UBE4A: variants seen among roughly 807,000 people sequenced by gnomAD.
The protein encoded by UBE4A is ubiquitination factor E4A.
In UBE4A, 48 loss-of-function variants were observed where a neutral mutation model predicts 117.9. The ratio of observed to expected loss-of-function variants is 0.41; its 90% CI spans 0.32 to 0.52. UBE4A has a LOEUF of 0.52. UBE4A is among the 20% of genes least tolerant of loss of function. The pLI, the probability that UBE4A is intolerant of heterozygous loss-of-function variation, is 0.33. For missense variants in UBE4A, 1,067 were observed against 1,296.3 expected, an observed-to-expected ratio of 0.82 and a Z score of 2.72; for synonymous variants, 407 against 450.0, an observed-to-expected ratio of 0.90 and a Z score of 1.21.
At chr11:118,373,007 A>G in intron 6 of UBE4A, 79 bp from the exon 7 acceptor site, 2 of 1,207,566 alleles carry the variant, frequency 1.7e-6, no homozygotes, top group African/African-American at 1.5e-5. Flanking sequence ...AAAAAGAATT[A>G]TTGAAAGTAA....
intron 1 of UBE4A, 86 bp from the exon 2 acceptor site, chr11:118,364,954 G>A: frequency 8.3e-7 from 1 of 1,198,144 alleles, no homozygotes; most frequent in Non-Finnish European, 1.1e-6. Flanking sequence ...TATTGTATTT[G>A]AGAAATGGGA....
chr11:118,396,472 CCA>C lies in UBE4A; in HGVS notation c.*33_*34del, dbSNP rs532108389. 6,743 of 1,601,398 alleles carry C rather than the reference CCA, an allele frequency of 4.2e-3. 20 individuals are homozygous for C. Among genetic ancestry groups the C allele is most frequent in the Non-Finnish European group, 5.0e-3 (5,855 of 1,174,860 alleles). The stretch of plus-strand genomic sequence containing the variant: ...TGAACTAACCAAACCAAAACCAACC[CCA>C]GAGTGCAGATAAACAATTGTTTGTG... On this transcript the variant is annotated 3_prime_UTR_variant, in exon 20 of 20. Transcript: ENST00000252108.
At chr11:118,367,335 T>C (rs774872095) in intron 2 of UBE4A, among the ~76,000 whole-genome samples, 1 of 152,156 alleles carries the variant, frequency 6.6e-6, no homozygotes. Flanking sequence ...ATGCAACTTA[T>C]AACCAAATGA....
chr11:118,391,387 G>T lies in UBE4A; in HGVS notation c.2916+583G>T, dbSNP rs549852609. Among the ~76,000 whole-genome samples, 449 of 151,224 alleles carry T rather than the reference G, an allele frequency of 3.0e-3. 2 individuals are homozygous for T. Among genetic ancestry groups the T allele is most frequent in the African/African-American group, 0.01 (428 of 41,132 alleles). ...GCCTGTAATCCCAGCTACTCGGGAG[G>T]CTGAGGCAGGAGAATCGCTTGAACC... On this transcript the variant is annotated intron_variant, in intron 18 of 19. Coordinates refer to ENST00000252108, the MANE Select transcript of UBE4A (RefSeq NM_001204077.2).
rs113963114 is a variant in UBE4A at position 118,379,455 on chromosome 11, T to C, written c.1581T>C (p.Asp527=). The C allele has an allele frequency of 3.6e-4, 584 of 1,612,182 alleles. 1 individual carries two copies. The African/African-American group carries it at 6.2e-3, about 17-fold the overall frequency. ...TLYLGFHRLH[D]QMVKINQNLH... Reference sequence around the variant, plus strand: ...GCTTTCTTGGGGGCAGGTTGCATGATCAGATGGTAAAAATCAACCAAAATC... The same window carrying C: ...GCTTTCTTGGGGGCAGGTTGCATGACCAGATGGTAAAAATCAACCAAAATC... The change falls in exon 11 of 20, where the codon GAT becomes GAC. Residue 527 remains aspartate (D), a synonymous_variant. Coordinates refer to ENST00000252108, the MANE Select transcript of UBE4A (RefSeq NM_001204077.2).
At position 118,382,437 on chromosome 11, in the gene UBE4A, C is replaced by T. The variant is rs564924253; in HGVS notation, c.2010-152C>T. The T allele has an allele frequency of 2.4e-4, 36 of 148,876 alleles. 1 individual carries two copies. The highest frequency in any genetic ancestry group is 2.8e-4 in the Non-Finnish European group (22 of 78,652). The allele number at this position is 148,876 out of a possible 1,614,324, so 9.2% of individuals were successfully genotyped here. Reference sequence around the variant, plus strand: ...CACCCCACCCCCCGCCCAGCCGCACCAAGAAACTGACAAACTTAAAACTGC... The same window carrying T: ...CACCCCACCCCCCGCCCAGCCGCACTAAGAAACTGACAAACTTAAAACTGC... On this transcript the variant is annotated intron_variant, in intron 12 of 19. Transcript: ENST00000252108.
chr11:118,396,542 T>A lies in UBE4A; in HGVS notation c.*102T>A. The A allele has an allele frequency of 5.3e-6, 7 of 1,310,938 alleles. No homozygotes were observed. Among genetic ancestry groups the A allele is most frequent in the Non-Finnish European group, 7.1e-6 (7 of 988,542 alleles). The allele number at this position is 1,310,938 out of a possible 1,614,324, so 81.2% of individuals were successfully genotyped here. ...TCTGTTCCTTTTCTTTCTTCTTTTC[T>A]TTTTCTTTTTTTTTTTTTTTTTTAC... On this transcript the variant is annotated 3_prime_UTR_variant, in exon 20 of 20. Transcript: ENST00000252108.
chr11:118,378,671 A>G (rs1267666471), intron 10 of UBE4A: 1 of 152,258 alleles, frequency 6.6e-6, no homozygotes, highest in Non-Finnish European at 1.5e-5. Flanking sequence ...AATCTCCATC[A>G]TAGACATTTT....
Position 118,389,923 on chromosome 11 carries a change from C to A in UBE4A, c.2768+18C>A. On this transcript the variant is annotated intron_variant, in intron 17 of 19. Transcript: ENST00000252108. Reference sequence around the variant, plus strand: ...AATCTTGGGTACCTGAGATTGAAATCTGTCAAGCCAGAGGGGATGCTGTTT... The same window carrying A: ...AATCTTGGGTACCTGAGATTGAAATATGTCAAGCCAGAGGGGATGCTGTTT... 1.3e-6 allele frequency: 2 copies of A among 1,550,452 alleles called. No homozygotes were observed. The highest frequency in any genetic ancestry group is 1.8e-6 in the Non-Finnish European group (2 of 1,134,920).
At chr11:118,381,590 A>C (rs1016143223) in intron 12 of UBE4A, 67 bp downstream of exon 12, 11 of 1,569,526 alleles carry the variant, frequency 7.0e-6, no homozygotes, top group Non-Finnish European at 9.5e-6. Context: ...CTTCTAAACC[A>C]AGAAATAAAC....
chr11:118,390,633 T>G (rs781923166), intron 17 of UBE4A, 24 bp from the exon 18 acceptor site: 1 of 1,487,694 alleles, frequency 6.7e-7, no homozygotes, highest in Non-Finnish European at 8.9e-7. Context: ...GGTGATCAGT[T>G]TTTTTCTGAT....
intron 6 of UBE4A, 21 bp from the exon 7 acceptor site, chr11:118,373,061 TTCTC>T: frequency 1.2e-6 from 2 of 1,610,242 alleles, no homozygotes; most frequent in Non-Finnish European, 1.7e-6. Flanking sequence ...GTGCCCTCCT[TTCTC>T]TCTCATTTGT....
intron 4 of UBE4A, among the ~76,000 whole-genome samples, chr11:118,369,927 C>A (rs1303843610): frequency 1.3e-5 from 2 of 151,778 alleles, no homozygotes; most frequent in African/African-American, 4.8e-5. Context: ...GCCGTCTCTA[C>A]TAAAAATACA....
chr11:118,392,258 G>A (rs1419205034), intron 18 of UBE4A, among the ~76,000 whole-genome samples: 6 of 152,196 alleles, frequency 3.9e-5, no homozygotes, highest in Admixed American at 3.9e-4. Context: ...AGGAACTCAA[G>A]TTGTGAAGGA....
rs1555127228 is a variant in UBE4A at position 118,386,340 on chromosome 11, C to T, written c.2413-98C>T. On this transcript the variant is annotated intron_variant, in intron 15 of 19. Transcript: ENST00000252108. ...TCTTTTACATGGTCCCTCGTTTTCCCAGCTTAGTTGACTGGATTTTGAATA... is the reference window on the plus strand; with the variant it reads ...TCTTTTACATGGTCCCTCGTTTTCCTAGCTTAGTTGACTGGATTTTGAATA... The T allele has an allele frequency of 1.9e-5, 26 of 1,364,912 alleles. 1 individual carries two copies. Among genetic ancestry groups the T allele is most frequent in the Non-Finnish European group, 1.5e-5 (15 of 1,017,554 alleles). The allele number at this position is 1,364,912 out of a possible 1,614,324, so 84.6% of individuals were successfully genotyped here. A position where few individuals can be genotyped will look rare whatever the true frequency, so the allele number is the denominator to read the frequency against.
chr11:118,369,645 TC>T (rs1948593103), intron 4 of UBE4A, 110 bp downstream of exon 4: 19 of 587,794 alleles, frequency 3.2e-5, no homozygotes, highest in Admixed American at 6.3e-5. Flanking sequence ...CATCCCTCTC[TC>T]TTTTTTTTTT....
At chr11:118,374,667 A>G (rs1460140025) in intron 8 of UBE4A, among the ~76,000 whole-genome samples, 1 of 152,200 alleles carries the variant, frequency 6.6e-6, no homozygotes, top group Non-Finnish European at 1.5e-5. Context: ...AAATTTACAG[A>G]CCTGTGCTCT....
intron 1 of UBE4A, among the ~76,000 whole-genome samples, chr11:118,364,704 G>A (rs1449713192): frequency 2.6e-5 from 4 of 152,000 alleles, no homozygotes; most frequent in South Asian, 4.1e-4. Flanking sequence ...CAATTAGTAG[G>A]TGAGTTCTCT....
Position 118,365,043 on chromosome 11 carries a change from C to CA in UBE4A, c.-38_-37insA. On this transcript the variant is annotated 5_prime_UTR_variant, in exon 2 of 20. Transcript: ENST00000252108. ...CTAATACCTGTCCTTTGAACAGCCT[C>CA]TCCCACTAGGTCTGGATGGAGGATA... 1 of 1,606,142 alleles carries CA rather than the reference C, an allele frequency of 6.2e-7. No individual in the cohort carries two copies. Among genetic ancestry groups the CA allele is most frequent in the African/African-American group, 1.3e-5 (1 of 74,776 alleles).
Sources: gnomAD v4.1 joint callset for allele counts (sites outside exome capture counted in the v4.1 genomes callset) on GRCh38, gnomAD v4.1.1 for gene constraint, MANE v1.5 for transcripts, NCBI Gene and HGNC (gene_info 2026-07-23, HGNC 2026-07-21) for gene names.